Variants in SPOCK3 observed in about 807,000 individuals in gnomAD.
SPOCK3 encodes the protein testican-3.
A neutral mutation model predicts 56.6 loss-of-function variants in SPOCK3; 30 were observed. The observed-to-expected ratio is 0.53, with a 90% CI of 0.40 to 0.72. The LOEUF (loss-of-function observed/expected upper bound fraction) is 0.72. Among genes scored for constraint, SPOCK3 ranks in the 30% least tolerant of loss-of-function variants. The probability of loss-of-function intolerance (pLI) is 0.00; values close to 1 mark genes in which losing one functional copy is unlikely to be tolerated. For missense variants in SPOCK3, 527 were observed against 530.0 expected (o/e 0.99, Z 0.06); for synonymous variants, 196 against 183.3 (o/e 1.07, Z -0.56).
At chr4:166,920,988 C>T (rs1053377462) in intron 4 of SPOCK3, among the ~76,000 whole-genome samples, 1 of 152,058 alleles carries the variant, frequency 6.6e-6, no homozygotes, top group Non-Finnish European at 1.5e-5. Context: ...TCCTTCATAC[C>T]CTGTCTTTGT....
chr4:166,960,736 G>T (rs1475084224), intron 4 of SPOCK3, among the ~76,000 whole-genome samples: 4 of 152,206 alleles, frequency 2.6e-5, no homozygotes, highest in African/African-American at 9.6e-5. Flanking sequence ...ATAAGTGAAG[G>T]ATGCACGAGA....
At chr4:166,786,692 TA>T (rs918071885) in intron 7 of SPOCK3, among the ~76,000 whole-genome samples, 8 of 152,204 alleles carry the variant, frequency 5.3e-5, no homozygotes, top group African/African-American at 1.9e-4. Context: ...CTCTAAAAAC[TA>T]TTGTTTTGTA....
chr4:166,878,073 C>T (rs934172478), intron 6 of SPOCK3, among the ~76,000 whole-genome samples: 12 of 151,906 alleles, frequency 7.9e-5, no homozygotes, highest in African/African-American at 2.7e-4. Flanking sequence ...GGTCAGGAGT[C>T]GAGACCAGCC....
chr4:167,008,619 A>C (rs1021334062), intron 3 of SPOCK3, among the ~76,000 whole-genome samples: 1 of 152,166 alleles, frequency 6.6e-6, no homozygotes, highest in Non-Finnish European at 1.5e-5. Context: ...TGTCTTTTGT[A>C]AAATGTAGTA....
chr4:167,211,392 G>A (rs963301153), intron 2 of SPOCK3, among the ~76,000 whole-genome samples: 3 of 152,136 alleles, frequency 2.0e-5, no homozygotes, highest in African/African-American at 7.2e-5. Context: ...GGGACTGCAG[G>A]GAAGGCACGA....
At chr4:167,227,528 T>G (rs1736710249) in intron 2 of SPOCK3, among the ~76,000 whole-genome samples, 1 of 152,022 alleles carries the variant, frequency 6.6e-6, no homozygotes, top group Admixed American at 6.6e-5. Context: ...TGTAGGATCA[T>G]GGAGAGGAAG....
chr4:167,115,622 A>T (rs895532637), intron 2 of SPOCK3, among the ~76,000 whole-genome samples: 8 of 152,120 alleles, frequency 5.3e-5, no homozygotes, highest in Non-Finnish European at 8.8e-5. Context: ...TATAAAAACT[A>T]ACCAGGCACA....
At chr4:167,112,028 G>T (rs1190463329) in intron 2 of SPOCK3, among the ~76,000 whole-genome samples, 1 of 152,052 alleles carries the variant, frequency 6.6e-6, no homozygotes, top group Non-Finnish European at 1.5e-5. Flanking sequence ...CCAAAGTGCT[G>T]GGATTACAGG....
intron 2 of SPOCK3, among the ~76,000 whole-genome samples, chr4:167,128,049 T>C (rs1165670157): frequency 6.6e-6 from 1 of 152,134 alleles, no homozygotes; most frequent in East Asian, 1.9e-4. Context: ...AATAATTAAT[T>C]ACCTCTTTCC....
At chr4:166,970,363 C>T (rs1293113949) in intron 4 of SPOCK3, among the ~76,000 whole-genome samples, 3 of 152,178 alleles carry the variant, frequency 2.0e-5, no homozygotes, top group Non-Finnish European at 4.4e-5. Flanking sequence ...GTGACTCTAA[C>T]ATCAATGTAC....
chr4:166,772,216 C>A (rs910052461), intron 7 of SPOCK3, among the ~76,000 whole-genome samples: 2 of 151,932 alleles, frequency 1.3e-5, no homozygotes, highest in Non-Finnish European at 2.9e-5. Flanking sequence ...AACTAGTGAA[C>A]CAAATACTAC....
chr4:167,196,056 A>G (rs1227242721), intron 2 of SPOCK3, among the ~76,000 whole-genome samples: 2 of 152,124 alleles, frequency 1.3e-5, no homozygotes, highest in South Asian at 2.1e-4. Context: ...TAATGCATTT[A>G]TATCTACTGA....
intron 2 of SPOCK3, among the ~76,000 whole-genome samples, chr4:167,218,433 G>A (rs1347975337): frequency 6.6e-6 from 1 of 152,054 alleles, no homozygotes; most frequent in Non-Finnish European, 1.5e-5. Context: ...TCAATAAAGA[G>A]GCACTCCTCC....
intron 2 of SPOCK3, among the ~76,000 whole-genome samples, chr4:167,166,267 A>G (rs1367551402): frequency 1.3e-5 from 2 of 152,142 alleles, no homozygotes; most frequent in East Asian, 1.9e-4. Context: ...TTTAAAAATA[A>G]GAAGTCAGTA....
In SPOCK3 at chr4:167,056,962, G is replaced by A. The variant is rs558696451; in HGVS notation, c.235+5530C>T. ...ACCACAAAGATACTCCTCGAGAAGA[G>A]CAACTCCAAGTCACATAATTGTCAG... On this transcript the variant is annotated intron_variant, in intron 3 of 10. Transcript: ENST00000357545. 1.5e-4 allele frequency among the ~76,000 whole-genome samples: 23 copies of A among 152,020 alleles called. No individual in the cohort carries two copies. In the South Asian group the frequency reaches 4.0e-3, roughly 26 times the overall value.
At chr4:166,919,435 G>A (rs1738243603) in intron 4 of SPOCK3, among the ~76,000 whole-genome samples, 1 of 152,026 alleles carries the variant, frequency 6.6e-6, no homozygotes. Context: ...ATTACTGAAG[G>A]CATCAATAAA....
intron 7 of SPOCK3, among the ~76,000 whole-genome samples, chr4:166,766,606 A>AT (rs1301402942): frequency 6.6e-6 from 1 of 151,908 alleles, no homozygotes; most frequent in South Asian, 2.1e-4. Context: ...CTTATTGAGG[A>AT]TTTTTGCATC....
Position 166,737,406 on chromosome 4 carries a change from G to A in SPOCK3, c.1132+61C>T. 7.9e-6 allele frequency: 12 copies of A among 1,514,776 alleles called. No homozygotes were observed. The South Asian group carries it at 1.1e-4, about 14-fold the overall frequency. The allele number at this position is 1,514,776 out of a possible 1,614,324, so 93.8% of individuals were successfully genotyped here. A position where few individuals can be genotyped will look rare whatever the true frequency, so the allele number is the denominator to read the frequency against. On this transcript the variant is annotated intron_variant, in intron 10 of 10. Coordinates refer to ENST00000357545, the MANE Select transcript of SPOCK3 (RefSeq NM_001040159.2). ...ATTAAATGCTTGAACAAATGAATGA[G>A]GCTCTAAAGCACTTAATTCTGTGCT...
At chr4:166,852,846 A>G (rs1560933956) in intron 6 of SPOCK3, among the ~76,000 whole-genome samples, 1 of 152,224 alleles carries the variant, frequency 6.6e-6, no homozygotes, top group Non-Finnish European at 1.5e-5. Context: ...AAAGTAGAAG[A>G]AAGTCTCAAA....
Sources: gnomAD v4.1 joint callset for allele counts (sites outside exome capture counted in the v4.1 genomes callset) on GRCh38, gnomAD v4.1.1 for gene constraint, MANE v1.5 for transcripts, NCBI Gene and HGNC (gene_info 2026-07-23, HGNC 2026-07-21) for gene names.